The following ENPP6 variants were observed in gnomAD, a reference collection of about 807,000 sequenced individuals.
The protein encoded by ENPP6 is ectonucleotide pyrophosphatase/phosphodiesterase 6, also known as glycerophosphocholine cholinephosphodiesterase ENPP6.
In ENPP6, 32 loss-of-function variants were observed where a neutral mutation model predicts 42.0. That is an observed-to-expected ratio of 0.76 (90% CI 0.58 to 1.02). The LOEUF is 1.02. Ranked by LOEUF, ENPP6 falls within the 50% of genes least tolerant of loss-of-function variation. The pLI, the probability that ENPP6 is intolerant of heterozygous loss-of-function variation, is 0.00. For missense variants in ENPP6, 552 were observed against 566.8 expected (o/e 0.97, Z 0.27); for synonymous variants, 213 against 216.0 (o/e 0.99, Z 0.12).
chr4:184,124,291 G>A lies in ENPP6; in HGVS notation c.422-19C>T, dbSNP rs1288146857. On this transcript the variant is annotated intron_variant, in intron 2 of 7. Transcript: ENST00000296741. ...TCACAGCCTGAGAAGGAAAAAGATG[G>A]CAAATAGTTACTCTCTTCAATAAGT... 5.1e-6 allele frequency: 8 copies of A among 1,578,430 alleles called. No individual in the cohort carries two copies. Among genetic ancestry groups the A allele is most frequent in the Non-Finnish European group, 7.0e-6 (8 of 1,148,634 alleles).
chr4:184,115,153 A>T (rs1736292362), intron 5 of ENPP6, among the ~76,000 whole-genome samples: 1 of 152,206 alleles, frequency 6.6e-6, no homozygotes. Flanking sequence ...CTTACTAATG[A>T]CTGTCCAGAG....
At chr4:184,207,313 A>T (rs891622263) in intron 1 of ENPP6, among the ~76,000 whole-genome samples, 38 of 152,346 alleles carry the variant, frequency 2.5e-4, no homozygotes, top group African/African-American at 9.1e-4. Flanking sequence ...TTGCAAACAA[A>T]TGTTACCATT....
chr4:184,114,858 G>T (rs1410975018), intron 5 of ENPP6, among the ~76,000 whole-genome samples: 2 of 152,098 alleles, frequency 1.3e-5, no homozygotes, highest in Non-Finnish European at 2.9e-5. Context: ...TCATATTTTG[G>T]GAGCTCATGG....
chr4:184,186,976 C>T (rs561677638), intron 1 of ENPP6, among the ~76,000 whole-genome samples: 1 of 152,300 alleles, frequency 6.6e-6, no homozygotes, highest in East Asian at 1.9e-4. Context: ...CTGCCGCGGC[C>T]TCTTGTCCAT....
intron 1 of ENPP6, among the ~76,000 whole-genome samples, chr4:184,154,022 G>A (rs1737110993): frequency 6.6e-6 from 1 of 152,156 alleles, no homozygotes. Flanking sequence ...TGCAGAGCTT[G>A]AAGTCTAAAT....
chr4:184,117,704 A>T, intron 4 of ENPP6, 55 bp downstream of exon 4: 2 of 1,599,436 alleles, frequency 1.3e-6, no homozygotes, highest in Non-Finnish European at 1.7e-6. Flanking sequence ...TGTGGAGGAG[A>T]CAAACAGAGG....
At chr4:184,198,691 A>G (rs1921565) in intron 1 of ENPP6, among the ~76,000 whole-genome samples, 74,934 of 152,106 alleles carry the variant, frequency 0.49, 19,895 homozygotes, top group East Asian at 0.95. Context: ...TAAATCACAA[A>G]TGGGGATTTA....
chr4:184,124,347 C>G, intron 2 of ENPP6, 75 bp from the exon 3 acceptor site: 1 of 1,047,790 alleles, frequency 9.5e-7, no homozygotes. Flanking sequence ...TTTCAGGAAG[C>G]AAACACCATT....
chr4:184,215,206 T>A (rs532041717), intron 1 of ENPP6, among the ~76,000 whole-genome samples: 2 of 152,220 alleles, frequency 1.3e-5, no homozygotes, highest in Non-Finnish European at 2.9e-5. Context: ...AAGGGCTTTC[T>A]GTATTCTGAG....
At chr4:184,135,043 A>G (rs1274998670) in intron 2 of ENPP6, among the ~76,000 whole-genome samples, 1 of 152,078 alleles carries the variant, frequency 6.6e-6, no homozygotes, top group Admixed American at 6.6e-5. Flanking sequence ...TTGTTTAATT[A>G]CATGACAGTC....
intron 5 of ENPP6, among the ~76,000 whole-genome samples, chr4:184,113,865 CTCTCTT>C (rs1450410710): frequency 6.6e-6 from 1 of 151,650 alleles, no homozygotes; most frequent in African/African-American, 2.4e-5. Flanking sequence ...TTTTATCTCT[CTCTCTT>C]TCTCTTTCTT....
intron 2 of ENPP6, among the ~76,000 whole-genome samples, chr4:184,137,765 TG>T (rs910138082): frequency 6.6e-6 from 1 of 152,238 alleles, no homozygotes; most frequent in Admixed American, 6.5e-5. Context: ...TTTTCCTTGG[TG>T]GGCCCTGAAC....
chr4:184,132,541 A>G (rs4314324), intron 2 of ENPP6, among the ~76,000 whole-genome samples: 98,442 of 151,804 alleles, frequency 0.65, 32,180 homozygotes, highest in Non-Finnish European at 0.68. Context: ...TAATGACTTC[A>G]TCAGTCATTT....
chr4:184,107,603 C>T (rs866457127), intron 6 of ENPP6, among the ~76,000 whole-genome samples: 7 of 152,060 alleles, frequency 4.6e-5, no homozygotes, highest in Non-Finnish European at 8.8e-5. Flanking sequence ...GGTGAAACCC[C>T]GTCTCTACTA....
intron 1 of ENPP6, among the ~76,000 whole-genome samples, chr4:184,191,818 T>C (rs1351875167): frequency 6.6e-6 from 1 of 152,186 alleles, no homozygotes; most frequent in Non-Finnish European, 1.5e-5. Flanking sequence ...ACAAATTCAG[T>C]AAGGTAGGAA....
At chr4:184,132,499 A>T (rs951690720) in intron 2 of ENPP6, among the ~76,000 whole-genome samples, 1 of 152,082 alleles carries the variant, frequency 6.6e-6, no homozygotes, top group Non-Finnish European at 1.5e-5. Context: ...CCTTTCTAGT[A>T]ATGTCTTTTC....
intron 6 of ENPP6, among the ~76,000 whole-genome samples, chr4:184,100,491 C>T (rs976155197): frequency 2.0e-5 from 3 of 152,290 alleles, no homozygotes; most frequent in Non-Finnish European, 1.5e-5. Flanking sequence ...TAGTGACATC[C>T]GGGGAGGCGC....
intron 6 of ENPP6, among the ~76,000 whole-genome samples, chr4:184,101,568 G>C (rs1488105158): frequency 1.3e-5 from 2 of 152,040 alleles, no homozygotes; most frequent in Non-Finnish European, 2.9e-5. Flanking sequence ...AGAGGAACTG[G>C]GTTGTTTTGC....
chr4:184,097,275 TG>T lies in ENPP6; in HGVS notation c.1086del (p.Asp362GlufsTer49). 2.5e-6 allele frequency: 4 copies of T among 1,614,226 alleles called. No homozygotes were observed. Among genetic ancestry groups the T allele is most frequent in the Non-Finnish European group, 3.4e-6 (4 of 1,180,036 alleles). ...GWHGYDNELMDMRGIFLAFGP... is the reference protein window; with the variant it reads ...GWHGYDNELMXMRGIFLAFGP... ...CCGAAGGCCAGGAAGATGCCCCGCA[TG>T]TCCATGAGCTCGTTGTCGTAGCCGT... is the stretch of plus-strand genomic sequence containing the variant. On this transcript the variant is annotated frameshift_variant, in exon 7 of 8. Coordinates refer to ENST00000296741, the MANE Select transcript of ENPP6 (RefSeq NM_153343.4). LOFTEE classifies it low-confidence loss of function (END_TRUNC).
Sources: gnomAD v4.1 joint callset for allele counts (sites outside exome capture counted in the v4.1 genomes callset) on GRCh38, gnomAD v4.1.1 for gene constraint, MANE v1.5 for transcripts, NCBI Gene and HGNC (gene_info 2026-07-23, HGNC 2026-07-21) for gene names.